NCOA4: variants seen among roughly 807,000 people sequenced by gnomAD.
NCOA4 encodes the protein 70 kDa AR-activator.
Under a neutral mutation model 69.5 loss-of-function variants are expected in NCOA4, and 31 were observed. The observed-to-expected ratio is 0.45, with a 90% CI of 0.34 to 0.60. The LOEUF is 0.60. NCOA4 is among the 20% of genes least tolerant of loss of function. NCOA4 has a pLI of 0.02. For missense variants in NCOA4, 600 were observed against 719.2 expected (o/e 0.83, Z 1.90); for synonymous variants, 228 against 252.4 (o/e 0.90, Z 0.92).
At chr10:46,026,441 T>C (rs1290786223) in intron 1 of NCOA4, among the ~76,000 whole-genome samples, 2 of 152,166 alleles carry the variant, frequency 1.3e-5, no homozygotes, top group Admixed American at 1.3e-4. Flanking sequence ...CCACAGAAAT[T>C]CTAACTGAAT....
At chr10:46,026,825 C>A (rs1840173877) in intron 1 of NCOA4, among the ~76,000 whole-genome samples, 1 of 152,170 alleles carries the variant, frequency 6.6e-6, no homozygotes, top group Admixed American at 6.5e-5. Flanking sequence ...CTGAACCAAA[C>A]TGCCATATTT....
intron 9 of NCOA4, 25 bp from the exon 10 acceptor site, chr10:46,006,622 TAA>T (rs1335161481): frequency 1.9e-6 from 3 of 1,613,650 alleles, no homozygotes; most frequent in South Asian, 2.2e-5. Context: ...CCACAGATGA[TAA>T]GTTACTTCAA....
At chr10:46,012,302 C>T (rs554408467) in intron 7 of NCOA4, among the ~76,000 whole-genome samples, 64 of 152,098 alleles carry the variant, frequency 4.2e-4, no homozygotes, top group African/African-American at 1.3e-3. Context: ...CAATATGTAT[C>T]CAAAGTCTTA....
rs781891135 is a variant in NCOA4, at chr10:46,010,460, T to C, written c.1461A>G (p.Gln487=). Reference sequence around the variant, plus strand: ...CCGACAAGGGGCTGTTCTTTATGACTTGGAAGGAATCAGCAATTCTAGAAG... The same window carrying C: ...CCGACAAGGGGCTGTTCTTTATGACCTGGAAGGAATCAGCAATTCTAGAAG... The part of the protein sequence containing the change: ...MTPSRIADSF[Q]VIKNSPLSEW... The change falls in exon 8 of 10, where the codon CAA becomes CAG. Residue 487 remains glutamine (Q), a synonymous_variant. Coordinates refer to ENST00000581486, the MANE Select transcript of NCOA4 (RefSeq NM_001145263.2). The C allele has an allele frequency of 1.2e-6, 2 of 1,614,238 alleles. No individual in the cohort carries two copies. Among genetic ancestry groups the C allele is most frequent in the East Asian group, 2.2e-5 (1 of 44,880 alleles).
rs1838815166 is a variant in NCOA4 at position 46,006,484 on chromosome 10, TA to T, written c.*107del. ...GTTCAAAATTAGGCAGGAGAAGAAC[TA>T]AGCTAATTGGTCAGACCCAGAAACA... On this transcript the variant is annotated 3_prime_UTR_variant, in exon 10 of 10. Coordinates refer to ENST00000581486, the MANE Select transcript of NCOA4 (RefSeq NM_001145263.2). 3 of 1,251,062 alleles carry T rather than the reference TA, an allele frequency of 2.4e-6. No individual in the cohort carries two copies. The highest frequency in any genetic ancestry group is 3.5e-6 in the Non-Finnish European group (3 of 851,372). 77.5% of individuals were successfully genotyped at this position (1,251,062 alleles called of 1,614,324 possible). A position where few individuals can be genotyped will look rare whatever the true frequency, so the allele number is the denominator to read the frequency against.
chr10:46,019,207 C>G (rs1839729495), intron 1 of NCOA4: 1 of 491,310 alleles, frequency 2.0e-6, no homozygotes, highest in Admixed American at 6.4e-5. Context: ...TTTTCTAACC[C>G]TGGACACACC....
intron 1 of NCOA4, among the ~76,000 whole-genome samples, chr10:46,023,942 G>T (rs1554925061): frequency 6.6e-6 from 1 of 152,144 alleles, no homozygotes; most frequent in Non-Finnish European, 1.5e-5. Context: ...TCGATTTTTT[G>T]AATGTAAAAT....
intron 1 of NCOA4, among the ~76,000 whole-genome samples, chr10:46,028,842 A>G (rs1840296824): frequency 6.6e-6 from 1 of 152,130 alleles, no homozygotes; most frequent in Non-Finnish European, 1.5e-5. Flanking sequence ...TTGAAATAAG[A>G]GACTGAGTTC....
At chr10:46,025,993 T>C (rs746639033) in intron 1 of NCOA4, among the ~76,000 whole-genome samples, 2 of 152,214 alleles carry the variant, frequency 1.3e-5, no homozygotes, top group Non-Finnish European at 2.9e-5. Flanking sequence ...AAAATGTCCC[T>C]GGCAATTGTA....
At chr10:46,014,773 C>T in intron 4 of NCOA4, 81 bp downstream of exon 4, 1 of 1,108,220 alleles carries the variant, frequency 9.0e-7, no homozygotes, top group East Asian at 2.4e-5. Flanking sequence ...ATAACACAAG[C>T]AATGAGTTAC....
At chr10:46,008,150 T>C (rs1267854558) in intron 9 of NCOA4, among the ~76,000 whole-genome samples, 2 of 152,256 alleles carry the variant, frequency 1.3e-5, no homozygotes, top group Non-Finnish European at 2.9e-5. Context: ...AGATTAATGT[T>C]TTCATGTTTG....
intron 1 of NCOA4, among the ~76,000 whole-genome samples, chr10:46,021,607 A>AAATT (rs1839870892): frequency 6.6e-6 from 1 of 152,228 alleles, no homozygotes; most frequent in South Asian, 2.1e-4. Context: ...CAATTTTCAT[A>AAATT]GTCCTCAGTA....
intron 1 of NCOA4, chr10:46,027,534 T>G: frequency 1.4e-6 from 2 of 1,474,734 alleles, no homozygotes; most frequent in Non-Finnish European, 1.8e-6. Flanking sequence ...CATAACTGTA[T>G]GAAAACAAAG....
At chr10:46,013,163 A>G in intron 6 of NCOA4, 137 bp from the exon 7 acceptor site, 1 of 745,578 alleles carries the variant, frequency 1.3e-6, no homozygotes, top group Non-Finnish European at 2.2e-6. Flanking sequence ...TTTCACAATT[A>G]TAAAACAAGA....
chr10:46,009,090 T>C lies in NCOA4; in HGVS notation c.1839+321A>G, dbSNP rs528403822. ...TGTGTAGCTCTCTTTATTGGGATATTTGCTTTATTGCAGTGGCCTGGAACC... is the reference window on the plus strand; with the variant it reads ...TGTGTAGCTCTCTTTATTGGGATATCTGCTTTATTGCAGTGGCCTGGAACC... On this transcript the variant is annotated intron_variant, in intron 9 of 9. Transcript: ENST00000581486. The C allele has an allele frequency of 1.0e-4, 138 of 1,333,314 alleles. 2 individuals carry two copies. The African/African-American group carries it at 1.1e-3, about 10-fold the overall frequency. 82.6% of individuals were successfully genotyped at this position (1,333,314 alleles called of 1,614,324 possible).
Position 46,009,287 on chromosome 10 carries a change from C to T in NCOA4, c.1839+124G>A, listed in dbSNP as rs1179410991. On this transcript the variant is annotated intron_variant, in intron 9 of 9. Transcript: ENST00000581486. ...AGCTCCCCCGTCCCACCCTCACTTG[C>T]CTAATATACATACTATTAAAAGGGA... 3 of 1,472,130 alleles carry T rather than the reference C, an allele frequency of 2.0e-6. No individual in the cohort carries two copies. The South Asian group carries it at 3.5e-5, about 17-fold the overall frequency. The allele number at this position is 1,472,130 out of a possible 1,614,324, so 91.2% of individuals were successfully genotyped here. A position where few individuals can be genotyped will look rare whatever the true frequency, so the allele number is the denominator to read the frequency against.
chr10:46,007,191 A>G (rs1288122578), intron 9 of NCOA4, among the ~76,000 whole-genome samples: 1 of 152,230 alleles, frequency 6.6e-6, no homozygotes, highest in Non-Finnish European at 1.5e-5. Flanking sequence ...AGAAAGTTTT[A>G]GTGGTCTCTA....
chr10:46,019,557 A>C, intron 1 of NCOA4: 1 of 980,594 alleles, frequency 1.0e-6, no homozygotes. Context: ...TTGTTGCTTC[A>C]CAATGTCAAA....
At chr10:46,012,099 A>C (rs1839263570) in intron 7 of NCOA4, among the ~76,000 whole-genome samples, 2 of 133,834 alleles carry the variant, frequency 1.5e-5, no homozygotes, top group East Asian at 2.0e-4. Context: ...AAAAAAAAAA[A>C]AAAACGAAAA....
Sources: allele counts gnomAD v4.1 joint callset (sites outside exome capture counted in the v4.1 genomes callset), GRCh38; gene constraint gnomAD v4.1.1; transcripts MANE v1.5; gene names NCBI Gene and HGNC (gene_info 2026-07-23, HGNC 2026-07-21).